Variants in ROBO2 observed in about 807,000 individuals in gnomAD.
ROBO2 encodes the protein roundabout guidance receptor 2, also known as roundabout homolog 2.
Under a neutral mutation model 160.8 loss-of-function variants are expected in ROBO2, and 53 were observed. The observed-to-expected ratio is 0.33, with a 90% confidence interval of 0.26 to 0.41. The LOEUF (loss-of-function observed/expected upper bound fraction) is 0.41, where lower values mean the gene tolerates loss of function less well. Ranked by LOEUF, ROBO2 falls within the 10% of genes least tolerant of loss-of-function variation. ROBO2 has a pLI of 1.00. For missense variants in ROBO2, 1,577 were observed against 1,722.4 expected (o/e 0.92, Z 1.49); for synonymous variants, 664 against 611.7 (o/e 1.09, Z -1.26).
chr3:77,245,249 A>G (rs571828618), intron 2 of ROBO2, among the ~76,000 whole-genome samples: 8 of 152,230 alleles, frequency 5.3e-5, no homozygotes, highest in African/African-American at 1.9e-4. Flanking sequence ...ACATGGAGCC[A>G]ATTTTATTTT....
intron 1 of ROBO2, among the ~76,000 whole-genome samples, chr3:75,927,444 G>A (rs978397943): frequency 4.6e-5 from 7 of 152,114 alleles, no homozygotes; most frequent in African/African-American, 1.4e-4. Context: ...TAATCTTTGA[G>A]AGGTTAAGTA....
At position 77,582,741 on chromosome 3, in the gene ROBO2, C is replaced by T. The variant is rs559385842; in HGVS notation, c.2500+2623C>T. On this transcript the variant is annotated intron_variant, in intron 16 of 25. Coordinates refer to ENST00000461745, the Ensembl canonical transcript of ROBO2. ...CTTCTATGTAATAAACAGCAATATA[C>T]AAATTATAGCTCTAGTGTTGTTTTT... Among the ~76,000 whole-genome samples, 4 of 152,158 alleles carry T rather than the reference C, an allele frequency of 2.6e-5. No homozygotes were observed. The East Asian group carries it at 7.7e-4, about 29-fold the overall frequency.
At chr3:76,531,025 T>C (rs2082196733) in intron 2 of ROBO2, among the ~76,000 whole-genome samples, 2 of 152,202 alleles carry the variant, frequency 1.3e-5, no homozygotes, top group Non-Finnish European at 2.9e-5. Context: ...TAAAAAGTGC[T>C]GATGCATAAA....
At chr3:77,063,680 TAGCAA>T (rs1409873548) in intron 1 of ROBO2, among the ~76,000 whole-genome samples, 1 of 152,226 alleles carries the variant, frequency 6.6e-6, no homozygotes, top group Non-Finnish European at 1.5e-5. Flanking sequence ...TTGTAGTCTG[TAGCAA>T]AGCAACGTAT....
At chr3:77,004,893 C>T (rs1033735393) in intron 2 of ROBO2, among the ~76,000 whole-genome samples, 4 of 152,116 alleles carry the variant, frequency 2.6e-5, no homozygotes, top group Non-Finnish European at 5.9e-5. Context: ...ATTACCACGC[C>T]TCGCTAGGTG....
intron 1 of ROBO2, among the ~76,000 whole-genome samples, chr3:75,922,024 G>C (rs1947079038): frequency 6.6e-6 from 1 of 152,096 alleles, no homozygotes; most frequent in East Asian, 1.9e-4. Context: ...ACAGGGTAGT[G>C]GTGGGGAAGA....
At chr3:76,007,610 T>C (rs2066060461) in intron 2 of ROBO2, among the ~76,000 whole-genome samples, 1 of 152,184 alleles carries the variant, frequency 6.6e-6, no homozygotes, top group South Asian at 2.1e-4. Context: ...GTACCACTTG[T>C]AAACATACCT....
chr3:76,314,650 A>G (rs939130017), intron 2 of ROBO2, among the ~76,000 whole-genome samples: 2 of 152,104 alleles, frequency 1.3e-5, no homozygotes, highest in African/African-American at 2.4e-5. Flanking sequence ...CACTTAAGGA[A>G]TAGTAGATGT....
At chr3:77,386,814 G>T (rs1296388383) in intron 2 of ROBO2, among the ~76,000 whole-genome samples, 1 of 151,594 alleles carries the variant, frequency 6.6e-6, no homozygotes, top group East Asian at 2.0e-4. Flanking sequence ...GGTTGGCCAG[G>T]CTGGTCTCTA....
chr3:76,444,604 G>A (rs767705287), intron 2 of ROBO2, among the ~76,000 whole-genome samples: 27 of 152,162 alleles, frequency 1.8e-4, no homozygotes, highest in Admixed American at 5.9e-4. Flanking sequence ...ATCAGATTTC[G>A]TGAGAACTCA....
At chr3:77,404,642 CAT>C (rs1157626357) in intron 2 of ROBO2, among the ~76,000 whole-genome samples, 1 of 152,128 alleles carries the variant, frequency 6.6e-6, no homozygotes, top group East Asian at 1.9e-4. Context: ...TTACAGGGGA[CAT>C]ATGGATATTC....
intron 2 of ROBO2, among the ~76,000 whole-genome samples, chr3:77,191,931 T>A (rs1213072442): frequency 2.0e-5 from 3 of 152,194 alleles, no homozygotes; most frequent in Non-Finnish European, 4.4e-5. Flanking sequence ...TAAATAACAC[T>A]TTCCCTTTAA....
chr3:77,563,360 G>A, intron 11 of ROBO2, 31 bp downstream of exon 12: 1 of 1,609,734 alleles, frequency 6.2e-7, no homozygotes. Context: ...TCTCCACTGG[G>A]TTTTGTCTTA....
intron 2 of ROBO2, among the ~76,000 whole-genome samples, chr3:77,340,938 A>C (rs1340826708): frequency 2.6e-5 from 4 of 152,160 alleles, no homozygotes. Flanking sequence ...TGGGATCAAC[A>C]AGCTAGTCTA....
chr3:76,020,279 G>A (rs1198979565), intron 2 of ROBO2, among the ~76,000 whole-genome samples: 2 of 151,662 alleles, frequency 1.3e-5, no homozygotes, highest in African/African-American at 4.8e-5. Flanking sequence ...TTTCATGTGT[G>A]ATTCCTCGAT....
intron 2 of ROBO2, among the ~76,000 whole-genome samples, chr3:77,432,897 A>T (rs1285819223): frequency 6.6e-6 from 1 of 152,176 alleles, no homozygotes; most frequent in Non-Finnish European, 1.5e-5. Flanking sequence ...GCAGGAATTA[A>T]TTCTCAAGGT....
At chr3:76,217,046 G>T (rs1277575169) in intron 2 of ROBO2, among the ~76,000 whole-genome samples, 1 of 152,132 alleles carries the variant, frequency 6.6e-6, no homozygotes, top group African/African-American at 2.4e-5. Flanking sequence ...TGAACAACCT[G>T]CTCCTGAATG....
At chr3:76,812,681 A>T (rs1279170605) in intron 2 of ROBO2, among the ~76,000 whole-genome samples, 1 of 152,052 alleles carries the variant, frequency 6.6e-6, no homozygotes, top group African/African-American at 2.4e-5. Context: ...CTCAAATAAA[A>T]AACTTATAAT....
intron 2 of ROBO2, among the ~76,000 whole-genome samples, chr3:76,856,851 G>A (rs2070151658): frequency 6.6e-6 from 1 of 152,206 alleles, no homozygotes; most frequent in South Asian, 2.1e-4. Context: ...ATACTGTGGG[G>A]AGAGGCTGGG....
Sources: gnomAD v4.1 joint callset for allele counts (sites outside exome capture counted in the v4.1 genomes callset) on GRCh38, gnomAD v4.1.1 for gene constraint, MANE v1.5 for transcripts, NCBI Gene and HGNC (gene_info 2026-07-23, HGNC 2026-07-21) for gene names.